Variants in SMIM35 observed in about 807,000 individuals in gnomAD.
SMIM35 encodes small integral membrane protein 35.
chr11:118,066,247 C>T (rs1041135190), intron 1 of SMIM35, among the ~76,000 whole-genome samples: 2 of 152,238 alleles, frequency 1.3e-5, no homozygotes, highest in East Asian at 3.9e-4. Context: ...GATCTCTTCG[C>T]CCTTGTTTTC....
At chr11:118,050,032 T>A (rs1478429933) in intron 1 of SMIM35, among the ~76,000 whole-genome samples, 1 of 151,850 alleles carries the variant, frequency 6.6e-6, no homozygotes, top group Non-Finnish European at 1.5e-5. Flanking sequence ...ATAGAGAGGG[T>A]CTTTGAAGTC....
At chr11:118,007,448 T>A (rs895432779) in intron 4 of SMIM35, among the ~76,000 whole-genome samples, 1 of 152,010 alleles carries the variant, frequency 6.6e-6, no homozygotes, top group Non-Finnish European at 1.5e-5. Context: ...CAGGCTGGAG[T>A]GCAGTGGTGC....
intron 1 of SMIM35, among the ~76,000 whole-genome samples, chr11:118,048,330 C>A (rs912777084): frequency 4.6e-5 from 7 of 152,004 alleles, no homozygotes; most frequent in African/African-American, 1.7e-4. Context: ...GCCAATATGG[C>A]GAAACCCAGT....
At chr11:118,008,715 G>A (rs2058135220) in intron 4 of SMIM35, among the ~76,000 whole-genome samples, 1 of 152,252 alleles carries the variant, frequency 6.6e-6, no homozygotes, top group African/African-American at 2.4e-5. Context: ...CAATGCCCAA[G>A]ATGTTCTGAA....
intron 1 of SMIM35, among the ~76,000 whole-genome samples, chr11:118,065,109 C>A (rs555592404): frequency 3.3e-5 from 5 of 152,216 alleles, no homozygotes; most frequent in Non-Finnish European, 7.3e-5. Flanking sequence ...AGCCCTTCTG[C>A]GTGGTCAAAC....
intron 1 of SMIM35, among the ~76,000 whole-genome samples, chr11:118,036,196 T>G (rs140744269): frequency 3.3e-5 from 5 of 152,196 alleles, no homozygotes; most frequent in Non-Finnish European, 7.3e-5. Context: ...CAATACGTGG[T>G]GATTTTTAAA....
chr11:118,045,611 G>C (rs1944086042), intron 1 of SMIM35, among the ~76,000 whole-genome samples: 1 of 152,178 alleles, frequency 6.6e-6, no homozygotes, highest in African/African-American at 2.4e-5. Flanking sequence ...AGAAATATTT[G>C]TGTGATGAAT....
intron 1 of SMIM35, among the ~76,000 whole-genome samples, chr11:118,041,956 C>T (rs1034235978): frequency 6.0e-5 from 9 of 150,416 alleles, no homozygotes; most frequent in African/African-American, 2.2e-4. Context: ...GAGGCTGAAG[C>T]AGGAGAATAG....
chr11:118,019,727 A>C (rs1235691169), intron 1 of SMIM35, among the ~76,000 whole-genome samples: 1 of 151,110 alleles, frequency 6.6e-6, no homozygotes, highest in Non-Finnish European at 1.5e-5. Flanking sequence ...TGTTTTTTAC[A>C]GTTTCGGACT....
At chr11:118,046,118 T>A (rs1472044617) in intron 1 of SMIM35, among the ~76,000 whole-genome samples, 1 of 152,212 alleles carries the variant, frequency 6.6e-6, no homozygotes, top group Non-Finnish European at 1.5e-5. Flanking sequence ...TTCAATAATT[T>A]ATCAGTAGCC....
intron 4 of SMIM35, among the ~76,000 whole-genome samples, chr11:118,009,656 C>A (rs1437653773): frequency 1.3e-5 from 2 of 150,466 alleles, no homozygotes; most frequent in Non-Finnish European, 2.9e-5. Flanking sequence ...GTACTTGCAT[C>A]TTTTAATTGT....
chr11:118,045,330 G>GCACACACACACACACACACACACACACA (rs34102097), intron 1 of SMIM35, among the ~76,000 whole-genome samples: 1 of 146,014 alleles, frequency 6.8e-6, no homozygotes, highest in East Asian at 2.0e-4. Flanking sequence ...ATACACACAT[G>GCACACACACACACACACACACACACACA]CACACACACA....
At chr11:118,062,050 C>G (rs545006186) in intron 1 of SMIM35, among the ~76,000 whole-genome samples, 1 of 152,362 alleles carries the variant, frequency 6.6e-6, no homozygotes, top group East Asian at 1.9e-4. Context: ...GAAAGTGGGG[C>G]CAGGTGCAGT....
chr11:118,015,032 A>G (rs1565379927), intron 2 of SMIM35, among the ~76,000 whole-genome samples: 1 of 152,244 alleles, frequency 6.6e-6, no homozygotes, highest in East Asian at 1.9e-4. Flanking sequence ...GTCTCCATCT[A>G]TAAAAATGAA....
At chr11:118,042,160 A>G (rs1944016255) in intron 1 of SMIM35, among the ~76,000 whole-genome samples, 1 of 151,928 alleles carries the variant, frequency 6.6e-6, no homozygotes. Flanking sequence ...TAGAAAATAA[A>G]CAATAGAGAA....
intron 1 of SMIM35, among the ~76,000 whole-genome samples, chr11:118,072,446 A>G (rs868316075): frequency 1.3e-5 from 2 of 152,192 alleles, no homozygotes; most frequent in African/African-American, 4.8e-5. Context: ...GGAGATCGTG[A>G]CATTGCACTC....
intron 1 of SMIM35, chr11:118,077,329 C>A: frequency 6.3e-7 from 1 of 1,591,980 alleles, no homozygotes; most frequent in Admixed American, 1.7e-5. Flanking sequence ...CCTCTGCTCC[C>A]AAGACACAGG....
intron 1 of SMIM35, among the ~76,000 whole-genome samples, chr11:118,024,397 T>C (rs150707836): frequency 5.1e-4 from 78 of 152,312 alleles, no homozygotes; most frequent in African/African-American, 1.8e-3. Flanking sequence ...GTCAAGGGTA[T>C]GGTGTCTAGT....
intron 1 of SMIM35, among the ~76,000 whole-genome samples, chr11:118,057,246 A>G (rs585533): frequency 0.73 from 111,713 of 152,030 alleles, 41,297 homozygotes; most frequent in Non-Finnish European, 0.76. Flanking sequence ...CCTGGAAACC[A>G]AAGTGCACTC....
Sources: allele counts gnomAD v4.1 joint callset (sites outside exome capture counted in the v4.1 genomes callset), GRCh38; gene constraint gnomAD v4.1.1; transcripts MANE v1.5; gene names NCBI Gene and HGNC (gene_info 2026-07-23, HGNC 2026-07-21).